STK10: variants seen among roughly 807,000 people sequenced by gnomAD.
The protein encoded by STK10 is serine/threonine kinase 10, also known as serine/threonine-protein kinase 10.
In STK10, 78 loss-of-function variants were observed where a neutral mutation model predicts 113.8. The observed-to-expected ratio is 0.69, with a 90% CI of 0.57 to 0.83. STK10 has a LOEUF of 0.83. Ranked by LOEUF, STK10 falls within the 40% of genes least tolerant of loss-of-function variation. STK10 has a pLI of 0.00. For missense variants in STK10, 1,109 were observed against 1,280.1 expected, an observed-to-expected ratio of 0.87 and a Z score of 2.04; for synonymous variants, 465 against 494.7, an observed-to-expected ratio of 0.94 and a Z score of 0.80.
chr5:172,064,616 G>A, intron 13 of STK10, 104 bp downstream of exon 13: 1 of 1,177,944 alleles, frequency 8.5e-7, no homozygotes, highest in South Asian at 1.2e-5. Context: ...TTCAGAACGG[G>A]GTATTTGAGG....
chr5:172,049,042 G>A (rs1042950428), intron 18 of STK10, among the ~76,000 whole-genome samples: 2 of 151,910 alleles, frequency 1.3e-5, no homozygotes, highest in East Asian at 1.9e-4. Context: ...CTTCTTAGAC[G>A]ACATCTTCCT....
intron 2 of STK10, among the ~76,000 whole-genome samples, chr5:172,152,578 A>T (rs1372676392): frequency 6.6e-6 from 1 of 152,168 alleles, no homozygotes; most frequent in African/African-American, 2.4e-5. Flanking sequence ...TGTGCTACTG[A>T]GTGTTCGAAA....
chr5:172,114,346 T>C (rs1769318466), intron 4 of STK10, among the ~76,000 whole-genome samples: 1 of 149,654 alleles, frequency 6.7e-6, no homozygotes, highest in Non-Finnish European at 1.5e-5. Flanking sequence ...AAAGTCATGT[T>C]GCTTATTAAA....
At chr5:172,056,972 AAAG>A (rs1241895377) in intron 15 of STK10, 2 of 112,820 alleles carry the variant, frequency 1.8e-5, no homozygotes, top group South Asian at 5.0e-4. Flanking sequence ...AGAAAGAAAG[AAAG>A]AAAGAAAGAA....
intron 1 of STK10, among the ~76,000 whole-genome samples, chr5:172,161,613 G>C (rs532232632): frequency 6.6e-6 from 1 of 152,214 alleles, no homozygotes; most frequent in Non-Finnish European, 1.5e-5. Context: ...TATGCCATTT[G>C]TCATATTATG....
At chr5:172,068,214 G>A (rs534903749) in intron 12 of STK10, among the ~76,000 whole-genome samples, 9 of 152,098 alleles carry the variant, frequency 5.9e-5, no homozygotes, top group South Asian at 2.1e-4. Flanking sequence ...GGTGACAGGC[G>A]CCTGTAATCC....
chr5:172,060,763 G>C (rs1415815518), intron 14 of STK10, among the ~76,000 whole-genome samples: 1 of 152,218 alleles, frequency 6.6e-6, no homozygotes, highest in Non-Finnish European at 1.5e-5. Context: ...CTGCCTCACA[G>C]TGTTAGGTGA....
chr5:172,078,648 AAG>A (rs1768362995), intron 12 of STK10, among the ~76,000 whole-genome samples: 1 of 145,448 alleles, frequency 6.9e-6, no homozygotes. Context: ...AAAAAAAAAA[AAG>A]CCAAAAGAGC....
At chr5:172,065,708 T>A (rs1213364699) in intron 12 of STK10, among the ~76,000 whole-genome samples, 1 of 152,104 alleles carries the variant, frequency 6.6e-6, no homozygotes, top group African/African-American at 2.4e-5. Flanking sequence ...AGTGTGAGCT[T>A]TGGGACGTTT....
At chr5:172,157,875 G>C (rs941664553) in intron 1 of STK10, among the ~76,000 whole-genome samples, 7 of 152,104 alleles carry the variant, frequency 4.6e-5, no homozygotes, top group Non-Finnish European at 7.4e-5. Flanking sequence ...ACAGGTGTGA[G>C]CCACTGTGTC....
chr5:172,153,247 T>C (rs544720437), intron 2 of STK10, among the ~76,000 whole-genome samples: 1 of 143,942 alleles, frequency 6.9e-6, no homozygotes, highest in African/African-American at 2.8e-5. Flanking sequence ...AATCGCGCCA[T>C]TGCACTCCAG....
intron 2 of STK10, among the ~76,000 whole-genome samples, chr5:172,147,424 C>T (rs1197523027): frequency 6.6e-6 from 1 of 151,648 alleles, no homozygotes; most frequent in African/African-American, 2.4e-5. Context: ...CAGAGTCTTG[C>T]TCTGTCGTCC....
At position 172,076,438 on chromosome 5, in the gene STK10, C is replaced by T. The variant is rs1409419774; in HGVS notation, c.1989+5888G>A. Reference sequence around the variant, plus strand: ...GCGTCCTGTGCGTTAGTTGTGGGGGCTGTCCTGTGCATTTGTTGTGGGGGC... The same window carrying T: ...GCGTCCTGTGCGTTAGTTGTGGGGGTTGTCCTGTGCATTTGTTGTGGGGGC... On this transcript the variant is annotated intron_variant, in intron 12 of 18. Coordinates refer to ENST00000176763, the MANE Select transcript of STK10 (RefSeq NM_005990.4). 2.9e-5 allele frequency among the ~76,000 whole-genome samples: 2 copies of T among 68,566 alleles called. 1 individual carries two copies. The highest frequency in any genetic ancestry group is 2.0e-4 in the African/African-American group (2 of 10,224). The allele number at this position is 68,566 out of a possible 152,430, so 45.0% of individuals were successfully genotyped here. A position where few individuals can be genotyped will look rare whatever the true frequency, so the allele number is the denominator to read the frequency against.
chr5:172,055,938 C>G (rs1767743798), intron 15 of STK10, among the ~76,000 whole-genome samples, 162 bp from the exon 16 acceptor site: 1 of 152,186 alleles, frequency 6.6e-6, no homozygotes, highest in African/African-American at 2.4e-5. Context: ...ACACTAATAA[C>G]ATTATTTGTT....
chr5:172,049,355 C>T (rs1331144373), intron 18 of STK10, among the ~76,000 whole-genome samples: 3 of 152,102 alleles, frequency 2.0e-5, no homozygotes, highest in South Asian at 4.1e-4. Context: ...ATACAGCCTC[C>T]GTGGGGGAGG....
rs371048706 is a variant in STK10 at position 172,134,673 on chromosome 5, C to T, written c.322-7252G>A. On this transcript the variant is annotated intron_variant, in intron 2 of 18. Transcript: ENST00000176763. Reference sequence around the variant, plus strand: ...CCTGTAATCTCAGCATTCTGGGAGGCTGAGATGGGAGGATCACTTGAGCCC... The same window carrying T: ...CCTGTAATCTCAGCATTCTGGGAGGTTGAGATGGGAGGATCACTTGAGCCC... Among the ~76,000 whole-genome samples, 18 of 147,840 alleles carry T rather than the reference C, an allele frequency of 1.2e-4. No individual in the cohort carries two copies. In the South Asian group the frequency reaches 3.6e-3, roughly 29 times the overall value.
chr5:172,100,615 C>T (rs1561807322), intron 7 of STK10, among the ~76,000 whole-genome samples: 1 of 152,094 alleles, frequency 6.6e-6, no homozygotes, highest in East Asian at 1.9e-4. Flanking sequence ...GGCGAAATCC[C>T]ATCTCTACTG....
At position 172,115,702 on chromosome 5, in the gene STK10, G is replaced by A. The variant is rs79840980; in HGVS notation, c.520+1779C>T. On this transcript the variant is annotated intron_variant, in intron 4 of 18. Coordinates refer to ENST00000176763, the MANE Select transcript of STK10 (RefSeq NM_005990.4). ...TTGAACCCCAGTTGTTCCTCTTATC[G>A]GCAATGTGACCTTGGATAAGTCAGT... 3.3e-3 allele frequency among the ~76,000 whole-genome samples: 496 copies of A among 152,280 alleles called. 3 individuals are homozygous for A. The highest frequency in any genetic ancestry group is 0.011 in the African/African-American group (458 of 41,554).
intron 18 of STK10, chr5:172,045,519 G>T: frequency 2.3e-6 from 1 of 443,910 alleles, no homozygotes; most frequent in Non-Finnish European, 4.5e-6. Context: ...AAATACACGT[G>T]CCTTTGCCTA....
Sources: gnomAD v4.1 joint callset for allele counts (sites outside exome capture counted in the v4.1 genomes callset) on GRCh38, gnomAD v4.1.1 for gene constraint, MANE v1.5 for transcripts, NCBI Gene and HGNC (gene_info 2026-07-23, HGNC 2026-07-21) for gene names.